Variants in WWOX observed in about 807,000 individuals in gnomAD.
WWOX encodes WW domain-containing oxidoreductase.
In WWOX, 69 loss-of-function variants were observed where a neutral mutation model predicts 46.2. The ratio of observed to expected loss-of-function variants is 1.49; its 90% CI spans 1.23 to 1.82. The LOEUF is 1.82. Ranked by LOEUF, WWOX falls within the 40% of genes most tolerant of loss-of-function variation. WWOX has a pLI of 0.00. For synonymous variants in WWOX, 359 were observed against 202.6 expected, an observed-to-expected ratio of 1.77 and a Z score of -6.56; for missense variants, 919 against 542.6, an observed-to-expected ratio of 1.69 and a Z score of -6.89.
At chr16:78,433,716 C>G (rs149347566) in intron 8 of WWOX, among the ~76,000 whole-genome samples, 2 of 150,636 alleles carry the variant, frequency 1.3e-5, no homozygotes, top group African/African-American at 4.9e-5. Flanking sequence ...TGGAAACTGT[C>G]TGCTGCCTTC....
chr16:79,045,767 CTTTTTTCTTTTCCTTTTT>C (rs2048052653), intron 8 of WWOX, among the ~76,000 whole-genome samples: 1 of 99,998 alleles, frequency 1.0e-5, no homozygotes, highest in Admixed American at 1.0e-4. Context: ...CTCGTCTTTC[CTTTTTTCTTTTCCTTTTT>C]TTTTTTTTTT....
intron 4 of WWOX, among the ~76,000 whole-genome samples, chr16:78,160,020 A>G (rs181605957): frequency 1.2e-3 from 183 of 151,222 alleles, no homozygotes; most frequent in African/African-American, 3.9e-3. Flanking sequence ...ACAGACTTTT[A>G]GCTTCTTTTT....
chr16:78,819,122 C>G (rs1373893253), intron 8 of WWOX, among the ~76,000 whole-genome samples: 4 of 152,224 alleles, frequency 2.6e-5, no homozygotes, highest in Admixed American at 6.5e-5. Context: ...CTCTTCTGCA[C>G]TCTTTCTCAG....
At chr16:78,549,975 TC>T (rs1420975049) in intron 8 of WWOX, among the ~76,000 whole-genome samples, 1 of 152,006 alleles carries the variant, frequency 6.6e-6, no homozygotes, top group East Asian at 1.9e-4. Context: ...AAAATTCCCA[TC>T]CCACCCCCGC....
At chr16:79,153,057 G>C (rs186455460) in intron 8 of WWOX, among the ~76,000 whole-genome samples, 2 of 152,296 alleles carry the variant, frequency 1.3e-5, no homozygotes, top group African/African-American at 4.8e-5. Flanking sequence ...GCGAGCGGAG[G>C]CCTGGTTTCT....
At chr16:78,466,998 TA>T (rs113065848) in intron 8 of WWOX, among the ~76,000 whole-genome samples, 3,953 of 152,324 alleles carry the variant, frequency 0.026, 192 homozygotes, top group African/African-American at 0.092. Context: ...TGCATGGGGT[TA>T]TTCACAGAGC....
At chr16:78,361,694 C>T (rs375556374) in intron 5 of WWOX, among the ~76,000 whole-genome samples, 1 of 152,146 alleles carries the variant, frequency 6.6e-6, no homozygotes, top group Non-Finnish European at 1.5e-5. Flanking sequence ...TCCCTGCAAC[C>T]TCTGCCTCCT....
chr16:78,775,778 G>C (rs117355856), intron 8 of WWOX, among the ~76,000 whole-genome samples: 2,924 of 152,246 alleles, frequency 0.019, 43 homozygotes, highest in Admixed American at 0.045. Context: ...TTTTCCTTTA[G>C]CCAATGGAGC....
intron 8 of WWOX, among the ~76,000 whole-genome samples, chr16:79,019,624 G>A (rs538788780): frequency 6.6e-6 from 1 of 152,068 alleles, no homozygotes; most frequent in Non-Finnish European, 1.5e-5. Flanking sequence ...GTATCTGTGA[G>A]CTCAGGAAGC....
intron 8 of WWOX, among the ~76,000 whole-genome samples, chr16:78,582,231 G>T (rs969818589): frequency 1.3e-5 from 2 of 152,170 alleles, no homozygotes; most frequent in Admixed American, 1.3e-4. Flanking sequence ...TGGCCAAAGT[G>T]TGTCAGGTGA....
intron 8 of WWOX, among the ~76,000 whole-genome samples, chr16:78,910,239 GC>G (rs1444688823): frequency 6.7e-6 from 1 of 150,170 alleles, no homozygotes; most frequent in African/African-American, 2.4e-5. Context: ...AGATTTACAA[GC>G]CAGTGCAGGT....
chr16:79,117,597 A>G (rs529615543), intron 8 of WWOX, among the ~76,000 whole-genome samples: 1 of 152,318 alleles, frequency 6.6e-6, no homozygotes, highest in East Asian at 1.9e-4. Context: ...CTAGCTCTCA[A>G]AGTCCTAGAC....
chr16:79,015,785 C>A (rs374203961), intron 8 of WWOX, among the ~76,000 whole-genome samples: 6 of 151,816 alleles, frequency 4.0e-5, no homozygotes, highest in Admixed American at 3.9e-4. Context: ...CAGACTGTCG[C>A]TCTGTCGCCA....
At chr16:78,727,355 A>T (rs1301245784) in intron 8 of WWOX, among the ~76,000 whole-genome samples, 1 of 152,172 alleles carries the variant, frequency 6.6e-6, no homozygotes, top group Non-Finnish European at 1.5e-5. Context: ...GCTGAGATCC[A>T]GCCTGGGTGA....
At chr16:78,362,407 C>A (rs1047638111) in intron 5 of WWOX, among the ~76,000 whole-genome samples, 7 of 152,120 alleles carry the variant, frequency 4.6e-5, no homozygotes, top group African/African-American at 1.7e-4. Context: ...GATAGGAGTT[C>A]AAGACCAGCC....
chr16:78,846,453 T>C (rs2052301264), intron 8 of WWOX, among the ~76,000 whole-genome samples: 3 of 152,224 alleles, frequency 2.0e-5, no homozygotes, highest in South Asian at 4.1e-4. Context: ...GGCCTTGAAA[T>C]TTTTGAAGAG....
intron 5 of WWOX, chr16:78,267,250 G>C (rs2079386584): frequency 6.6e-6 from 1 of 152,140 alleles, no homozygotes; most frequent in Admixed American, 6.5e-5. Flanking sequence ...CGTAATTTTT[G>C]TATCTAAGAA....
chr16:78,639,276 C>T (rs998344440), intron 8 of WWOX, among the ~76,000 whole-genome samples: 1 of 152,178 alleles, frequency 6.6e-6, no homozygotes, highest in African/African-American at 2.4e-5. Flanking sequence ...GCATCGATGA[C>T]ACACGCAGGG....
intron 8 of WWOX, among the ~76,000 whole-genome samples, chr16:78,777,671 G>C (rs958791778): frequency 5.9e-5 from 9 of 152,182 alleles, no homozygotes; most frequent in African/African-American, 1.9e-4. Context: ...CCAGCACAGA[G>C]TTCCAAGCCT....
Sources: gnomAD v4.1 joint callset for allele counts (sites outside exome capture counted in the v4.1 genomes callset) on GRCh38, gnomAD v4.1.1 for gene constraint, MANE v1.5 for transcripts, NCBI Gene and HGNC (gene_info 2026-07-23, HGNC 2026-07-21) for gene names.